SLC15A5: variants seen among roughly 807,000 people sequenced by gnomAD.
SLC15A5 encodes the protein solute carrier family 15 member 5.
Under a neutral mutation model 56.1 loss-of-function variants are expected in SLC15A5, and 58 were observed. The ratio of observed to expected loss-of-function variants is 1.03; its 90% CI spans 0.84 to 1.29. SLC15A5 has a LOEUF of 1.29. SLC15A5 is among the 50% of genes most tolerant of loss of function. The probability of loss-of-function intolerance (pLI) is 0.00; values close to 1 mark genes in which losing one functional copy is unlikely to be tolerated. For synonymous variants in SLC15A5, 264 were observed against 250.5 expected, an observed-to-expected ratio of 1.05 and a Z score of -0.51; for missense variants, 681 against 672.1, an observed-to-expected ratio of 1.01 and a Z score of -0.15.
intron 1 of SLC15A5, among the ~76,000 whole-genome samples, chr12:16,275,776 T>C (rs1231115686): frequency 6.6e-6 from 1 of 152,060 alleles, no homozygotes. Flanking sequence ...ATGACTGACC[T>C]CAGAATTTAG....
chr12:16,241,202 C>T (rs73322936), intron 4 of SLC15A5, among the ~76,000 whole-genome samples: 9,361 of 152,222 alleles, frequency 0.061, 495 homozygotes, highest in African/African-American at 0.14. Flanking sequence ...TCAACCAAGT[C>T]TTCTTGAGGA....
chr12:16,221,136 GA>G (rs756326613), intron 6 of SLC15A5, among the ~76,000 whole-genome samples: 24 of 152,036 alleles, frequency 1.6e-4, no homozygotes, highest in Non-Finnish European at 3.2e-4. Flanking sequence ...GTACCATATA[GA>G]AATAGCCGTA....
chr12:16,218,377 A>G (rs1446263478), intron 6 of SLC15A5, among the ~76,000 whole-genome samples: 1 of 152,212 alleles, frequency 6.6e-6, no homozygotes, highest in African/African-American at 2.4e-5. Context: ...CATTTTAAAA[A>G]GAAAAGTGAT....
chr12:16,214,062 C>A (rs1476107021), intron 7 of SLC15A5, among the ~76,000 whole-genome samples: 1 of 152,168 alleles, frequency 6.6e-6, no homozygotes, highest in East Asian at 1.9e-4. Context: ...AGATCTCTGT[C>A]AGCTACCAGT....
intron 2 of SLC15A5, among the ~76,000 whole-genome samples, chr12:16,266,923 T>G (rs1239839353): frequency 6.6e-6 from 1 of 152,200 alleles, no homozygotes; most frequent in Non-Finnish European, 1.5e-5. Flanking sequence ...TCTTCATGAT[T>G]GCATGGTATT....
chr12:16,272,662 G>A lies in SLC15A5; in HGVS notation c.483C>T (p.Thr161=), dbSNP rs1864772721. The change falls in exon 2 of 9, where the codon ACC becomes ACT. Residue 161 remains threonine (T), a synonymous_variant. Coordinates refer to ENST00000344941, the MANE Select transcript of SLC15A5 (RefSeq NM_001170798.1). The stretch of plus-strand genomic sequence containing the variant: ...TTACGCCTCCAATGCCAAGGCAAAT[G>A]GTCAGCAGTGCTACATAAAACAGCC... ...QHRLFYVALL[T]ICLGIGGVRA... is the part of the protein sequence containing the mutation. 5.2e-6 allele frequency: 8 copies of A among 1,537,056 alleles called. No homozygotes were observed. The highest frequency in any genetic ancestry group is 7.0e-6 in the Non-Finnish European group (8 of 1,146,740).
chr12:16,220,750 A>G (rs549021508), intron 6 of SLC15A5, among the ~76,000 whole-genome samples: 3 of 152,260 alleles, frequency 2.0e-5, no homozygotes, highest in African/African-American at 4.8e-5. Context: ...AGAGCCTTCT[A>G]TCTTCCCAAC....
chr12:16,210,992 T>C (rs904074906), intron 7 of SLC15A5, among the ~76,000 whole-genome samples: 4 of 152,194 alleles, frequency 2.6e-5, no homozygotes, highest in East Asian at 3.9e-4. Flanking sequence ...ATGGGAGTTA[T>C]TGGGGCCCTG....
chr12:16,224,123 G>A (rs1332179163), intron 6 of SLC15A5, among the ~76,000 whole-genome samples: 1 of 152,116 alleles, frequency 6.6e-6, no homozygotes, highest in African/African-American at 2.4e-5. Flanking sequence ...TTTTAGCAGA[G>A]GTTTTCCTCC....
In SLC15A5 at chr12:16,237,726, A is replaced by G. The variant is rs1409677030; in HGVS notation, c.1162+1955T>C. Among the ~76,000 whole-genome samples the G allele has an allele frequency of 6.6e-6, 1 of 152,124 alleles. No individual in the cohort carries two copies. The highest frequency in any genetic ancestry group is 1.5e-5 in the Non-Finnish European group (1 of 68,012). ...AGAATATTTTTCTAGGGTACCCAAA[A>G]TTTTAAAATTTGTGGTAATTAAGCA... On this transcript the variant is annotated intron_variant, in intron 5 of 8. Coordinates refer to ENST00000344941, the MANE Select transcript of SLC15A5 (RefSeq NM_001170798.1). The surrounding 1 kb of genome is among the most constrained non-coding windows in gnomAD (Gnocchi z 4.1).
At chr12:16,250,343 A>G (rs984399565) in intron 3 of SLC15A5, among the ~76,000 whole-genome samples, 1 of 152,056 alleles carries the variant, frequency 6.6e-6, no homozygotes, top group Non-Finnish European at 1.5e-5. Flanking sequence ...GAGCAGAGGC[A>G]AAGCATCCAG....
Position 16,239,723 on chromosome 12 carries a change from A to T in SLC15A5, c.1120T>A (p.Phe374Ile). ...PFLEYFSTCL[F>I]PSKRVGSFLS... Reference sequence around the variant, plus strand: ...AATGATCCAACTCTCTTAGAGGGAAACAGGCAGGTGCTGAAATACTCCAGA... The same window carrying T: ...AATGATCCAACTCTCTTAGAGGGAATCAGGCAGGTGCTGAAATACTCCAGA... Residue 374 changes from phenylalanine (F) to isoleucine (I), a missense_variant, in exon 5 of 9, where the codon TTT becomes ATT. Physicochemically the swap from Phe to Ile is conservative, Grantham distance 21 (BLOSUM62 0). Coordinates refer to ENST00000344941, the MANE Select transcript of SLC15A5 (RefSeq NM_001170798.1). The T allele has an allele frequency of 6.5e-7, 1 of 1,537,408 alleles. No homozygotes were observed. Among genetic ancestry groups the T allele is most frequent in the South Asian group, 1.2e-5 (1 of 84,050 alleles).
At chr12:16,217,897 C>A (rs958399103) in intron 6 of SLC15A5, among the ~76,000 whole-genome samples, 6 of 151,714 alleles carry the variant, frequency 4.0e-5, no homozygotes, top group Non-Finnish European at 7.4e-5. Context: ...GTTAAAAAAA[C>A]CACGAAAAAA....
intron 7 of SLC15A5, among the ~76,000 whole-genome samples, chr12:16,209,152 C>G (rs1157393252): frequency 2.0e-5 from 3 of 151,692 alleles, no homozygotes; most frequent in Admixed American, 6.6e-5. Context: ...ACCTTCCATT[C>G]TTCATCCTAC....
At chr12:16,240,439 A>C (rs1864402068) in intron 4 of SLC15A5, among the ~76,000 whole-genome samples, 1 of 152,080 alleles carries the variant, frequency 6.6e-6, no homozygotes, top group African/African-American at 2.4e-5. Context: ...ATGTGAACTA[A>C]GTAACAGGGG....
Position 16,243,213 on chromosome 12 carries a change from CTTT to C in SLC15A5, c.975+1364_975+1366del, listed in dbSNP as rs10572676. Among the ~76,000 whole-genome samples, 19 of 132,010 alleles carry C rather than the reference CTTT, an allele frequency of 1.4e-4. No individual in the cohort carries two copies. The highest frequency in any genetic ancestry group is 2.2e-4 in the East Asian group (1 of 4,604). 86.6% of individuals were successfully genotyped at this position (132,010 alleles called of 152,430 possible). On this transcript the variant is annotated intron_variant, in intron 4 of 8. Transcript: ENST00000344941. The surrounding 1 kb of genome is among the most constrained non-coding windows in gnomAD (Gnocchi z 4.4). ...TTATATATTTTTCTTTGCTTTTTCT[CTTT>C]TTTTTTTTTTTGAGATGGAGTTTCA...
intron 2 of SLC15A5, among the ~76,000 whole-genome samples, chr12:16,259,023 C>CTTTTTTTTT (rs1864610919): frequency 2.1e-5 from 1 of 48,284 alleles, no homozygotes; most frequent in East Asian, 8.9e-4. Context: ...TTCTTTCTTT[C>CTTTTTTTTT]CTTTTTTTTT....
intron 6 of SLC15A5, among the ~76,000 whole-genome samples, chr12:16,223,646 A>T (rs1864210332): frequency 6.6e-6 from 1 of 152,200 alleles, no homozygotes. Context: ...AAATTGGCTT[A>T]AATTTTCATT....
At chr12:16,213,469 A>C (rs1293729474) in intron 7 of SLC15A5, among the ~76,000 whole-genome samples, 5 of 152,166 alleles carry the variant, frequency 3.3e-5, no homozygotes, top group Non-Finnish European at 7.4e-5. Context: ...TGCTATGTGA[A>C]TGGAGAACTG....
Sources: allele counts gnomAD v4.1 joint callset (sites outside exome capture counted in the v4.1 genomes callset), GRCh38; gene constraint gnomAD v4.1.1; non-coding constraint Gnocchi (gnomAD v3.1); transcripts MANE v1.5; gene names NCBI Gene and HGNC (gene_info 2026-07-23, HGNC 2026-07-21).